The following PSD3 variants were observed in gnomAD, a reference collection of about 807,000 sequenced individuals.
PSD3 encodes PH and SEC7 domain-containing protein 3.
A neutral mutation model predicts 105.5 loss-of-function variants in PSD3; 49 were observed. The ratio of observed to expected loss-of-function variants is 0.46; its 90% CI spans 0.37 to 0.59. The LOEUF (loss-of-function observed/expected upper bound fraction) is 0.59, where lower values mean the gene tolerates loss of function less well. PSD3 is among the 20% of genes least tolerant of loss of function. The probability of loss-of-function intolerance (pLI) is 0.00; values close to 1 mark genes in which losing one functional copy is unlikely to be tolerated. For synonymous variants in PSD3, 557 were observed against 457.8 expected (o/e 1.22, Z -2.77); for missense variants, 1,561 against 1,263.8 (o/e 1.24, Z -3.57).
chr8:18,791,089 G>A (rs1426659899), intron 8 of PSD3, among the ~76,000 whole-genome samples: 2 of 151,966 alleles, frequency 1.3e-5, no homozygotes, highest in Non-Finnish European at 2.9e-5. Context: ...ACTAACAAAT[G>A]GAAAAACATT....
rs1323032952 is a variant in PSD3 at position 18,527,483 on chromosome 8, T to A, written c.*8260A>T. 1 of 152,592 alleles carries A rather than the reference T, an allele frequency of 6.6e-6. No homozygotes were observed. The highest frequency in any genetic ancestry group is 1.5e-5 in the Non-Finnish European group (1 of 68,028). The allele number at this position is 152,592 out of a possible 1,614,324, so 9.5% of individuals were successfully genotyped here. On this transcript the variant is annotated 3_prime_UTR_variant, in exon 16 of 16. Coordinates refer to ENST00000327040, the MANE Select transcript of PSD3 (RefSeq NM_015310.4). ...CCAACTTATAAAAACACAGGAACAA[T>A]TATATTCATAAACATTTACACAATA...
At chr8:18,808,740 G>A (rs1811419632) in intron 4 of PSD3, 1 of 1,613,832 alleles carries the variant, frequency 6.2e-7, no homozygotes, top group South Asian at 1.1e-5. Context: ...CAATATGATG[G>A]CAATATAAAC....
At chr8:18,752,651 A>T (rs1209415673) in intron 9 of PSD3, among the ~76,000 whole-genome samples, 2 of 95,698 alleles carry the variant, frequency 2.1e-5, no homozygotes, top group Admixed American at 3.5e-4. Flanking sequence ...TAATATATAT[A>T]ATATATTATA....
intron 1 of PSD3, among the ~76,000 whole-genome samples, chr8:18,956,937 T>C (rs1421902583): frequency 1.3e-5 from 2 of 152,142 alleles, no homozygotes; most frequent in African/African-American, 2.4e-5. Context: ...GGATCCTGTT[T>C]ATAAAAATAA....
intron 4 of PSD3, among the ~76,000 whole-genome samples, chr8:18,805,155 C>T (rs1563291932): frequency 2.0e-5 from 3 of 152,144 alleles, no homozygotes; most frequent in African/African-American, 4.8e-5. Flanking sequence ...CTCCATACGG[C>T]TTTCACTTAT....
chr8:18,925,406 T>TATATAC (rs547475253), intron 2 of PSD3, among the ~76,000 whole-genome samples: 25 of 151,262 alleles, frequency 1.7e-4, no homozygotes, highest in African/African-American at 5.8e-4. Context: ...TATATATATA[T>TATATAC]ACACACACAC....
chr8:18,952,043 T>G (rs1180807154), intron 1 of PSD3, among the ~76,000 whole-genome samples: 1 of 152,150 alleles, frequency 6.6e-6, no homozygotes, highest in African/African-American at 2.4e-5. Flanking sequence ...TGATTCAGTC[T>G]CACAAATACT....
At chr8:18,883,232 C>A (rs1453749212) in intron 2 of PSD3, among the ~76,000 whole-genome samples, 1 of 152,140 alleles carries the variant, frequency 6.6e-6, no homozygotes, top group East Asian at 1.9e-4. Context: ...TTAATGCCTA[C>A]TTTTTTATTT....
intron 1 of PSD3, among the ~76,000 whole-genome samples, chr8:18,942,998 T>C (rs1822646740): frequency 6.6e-6 from 1 of 152,150 alleles, no homozygotes; most frequent in South Asian, 2.1e-4. Context: ...TTTGAAGACA[T>C]GCAAAGTTGT....
At chr8:19,064,490 T>C (rs79819174) in intron 1 of PSD3, among the ~76,000 whole-genome samples, 15,196 of 152,178 alleles carry the variant, frequency 0.1, 764 homozygotes, top group Non-Finnish European at 0.11. Context: ...GGGTAGTCGT[T>C]GCCTCAAGCG....
At chr8:18,949,857 T>C (rs1181673755) in intron 1 of PSD3, among the ~76,000 whole-genome samples, 2 of 128,174 alleles carry the variant, frequency 1.6e-5, no homozygotes, top group African/African-American at 5.7e-5. Flanking sequence ...CTATCTCTCG[T>C]CTTGATAAAT....
intron 8 of PSD3, among the ~76,000 whole-genome samples, chr8:18,787,333 T>C (rs373383017): frequency 6.6e-6 from 1 of 152,206 alleles, no homozygotes. Flanking sequence ...TGAAAATGCC[T>C]CCTGATGCAT....
intron 8 of PSD3, among the ~76,000 whole-genome samples, chr8:18,784,793 C>A (rs370728699): frequency 6.6e-6 from 1 of 152,134 alleles, no homozygotes. Flanking sequence ...ACCTTCCAAG[C>A]ACATAGATGT....
chr8:18,908,042 A>G (rs113554034), intron 2 of PSD3, among the ~76,000 whole-genome samples: 8,754 of 152,304 alleles, frequency 0.057, 268 homozygotes, highest in Admixed American at 0.083. Flanking sequence ...ATGGATGTAG[A>G]TAAACTGATG....
intron 1 of PSD3, among the ~76,000 whole-genome samples, chr8:18,979,994 A>G (rs567590160): frequency 6.6e-6 from 1 of 152,342 alleles, no homozygotes; most frequent in African/African-American, 2.4e-5. Context: ...ACACTGATCT[A>G]TGTTTTGGCA....
At chr8:18,645,590 G>A (rs1807972644) in intron 10 of PSD3, among the ~76,000 whole-genome samples, 2 of 152,154 alleles carry the variant, frequency 1.3e-5, no homozygotes, top group Non-Finnish European at 2.9e-5. Context: ...TGTCTTGTAA[G>A]TTTGTTATGC....
intron 9 of PSD3, among the ~76,000 whole-genome samples, chr8:18,699,047 C>T (rs1299762331): frequency 6.6e-6 from 1 of 152,098 alleles, no homozygotes; most frequent in African/African-American, 2.4e-5. Flanking sequence ...GGCAGAGATG[C>T]CTGTTTGTCC....
chr8:19,045,959 C>T (rs553172268), intron 1 of PSD3, among the ~76,000 whole-genome samples: 45 of 152,308 alleles, frequency 3.0e-4, no homozygotes, highest in African/African-American at 9.9e-4. Context: ...TGGCTATAAC[C>T]ATCATCCCTT....
intron 4 of PSD3, among the ~76,000 whole-genome samples, chr8:18,822,035 G>T (rs537305407): frequency 6.6e-6 from 1 of 152,092 alleles, no homozygotes; most frequent in Non-Finnish European, 1.5e-5. Flanking sequence ...CAATAAAGAC[G>T]TAAAAGTCCT....
Sources: gnomAD v4.1 joint callset for allele counts (sites outside exome capture counted in the v4.1 genomes callset) on GRCh38, gnomAD v4.1.1 for gene constraint, MANE v1.5 for transcripts, NCBI Gene and HGNC (gene_info 2026-07-23, HGNC 2026-07-21) for gene names.